Variants in WAC observed in about 807,000 individuals in gnomAD.
WAC encodes the protein WW domain containing adaptor with coiled-coil, also known as WW domain-containing adapter protein with coiled-coil.
In WAC, 11 loss-of-function variants were observed where a neutral mutation model predicts 79.6. That is an observed-to-expected ratio of 0.14 (90% confidence interval 0.09 to 0.23). The LOEUF is 0.23. Among genes scored for constraint, WAC ranks in the 10% least tolerant of loss-of-function variants. WAC has a pLI of 1.00. For missense variants in WAC, 728 were observed against 773.5 expected, an observed-to-expected ratio of 0.94 and a Z score of 0.70; for synonymous variants, 304 against 276.9, an observed-to-expected ratio of 1.10 and a Z score of -0.97.
At chr10:28,577,027 G>A (rs945110756) in intron 3 of WAC, among the ~76,000 whole-genome samples, 3 of 152,120 alleles carry the variant, frequency 2.0e-5, no homozygotes, top group Non-Finnish European at 2.9e-5. Context: ...TGTGGCCAGT[G>A]ACTGTCATTG....
intron 3 of WAC, among the ~76,000 whole-genome samples, chr10:28,571,604 ACTATCTT>A (rs1353417670): frequency 6.6e-6 from 1 of 152,232 alleles, no homozygotes; most frequent in Non-Finnish European, 1.5e-5. Context: ...GCCTTACTTT[ACTATCTT>A]AATGTAACTC....
intron 7 of WAC, among the ~76,000 whole-genome samples, chr10:28,601,322 C>G (rs1840636582): frequency 6.6e-6 from 1 of 152,062 alleles, no homozygotes; most frequent in African/African-American, 2.4e-5. Flanking sequence ...GGTCAGCCTC[C>G]TTAGTCATTA....
At chr10:28,551,431 G>A (rs981748784) in intron 3 of WAC, among the ~76,000 whole-genome samples, 6 of 152,154 alleles carry the variant, frequency 3.9e-5, no homozygotes, top group East Asian at 3.9e-4. Context: ...CAAGTAAACC[G>A]ATTGAAAGCA....
rs1018072836 is a variant in WAC, at chr10:28,583,617, A to G, written c.381+112A>G. Reference sequence around the variant, plus strand: ...AAATCTAATGTCTTTTTTTTTAAAAATGTTTCAATCACAGTCTTAATGTGT... The same window carrying G: ...AAATCTAATGTCTTTTTTTTTAAAAGTGTTTCAATCACAGTCTTAATGTGT... On this transcript the variant is annotated intron_variant, in intron 4 of 13. Coordinates refer to ENST00000354911, the MANE Select transcript of WAC (RefSeq NM_016628.5). The G allele has an allele frequency of 2.3e-5, 17 of 746,194 alleles. No individual in the cohort carries two copies. The African/African-American group carries it at 2.7e-4, about 12-fold the overall frequency. The allele number at this position is 746,194 out of a possible 1,614,324, so 46.2% of individuals were successfully genotyped here.
chr10:28,604,336 T>TA (rs1840823376), intron 7 of WAC, among the ~76,000 whole-genome samples: 1 of 151,908 alleles, frequency 6.6e-6, no homozygotes, highest in Non-Finnish European at 1.5e-5. Flanking sequence ...ATGCTCCTGT[T>TA]ACCTGTATTG....
chr10:28,542,106 G>GAAGTTTGTTCCTGTCTCAGGGGCTCTGCA (rs1837085619), intron 3 of WAC, among the ~76,000 whole-genome samples: 1 of 152,200 alleles, frequency 6.6e-6, no homozygotes, highest in Admixed American at 6.5e-5. Flanking sequence ...CCTGCAGGCA[G>GAAGTTTGTTCCTGTCTCAGGGGCTCTGCA]AAGTTTGTTC....
intron 11 of WAC, chr10:28,615,867 T>G: frequency 4.3e-6 from 1 of 234,072 alleles, no homozygotes; most frequent in Non-Finnish European, 8.3e-6. Flanking sequence ...TGTTAAAATG[T>G]GACTTTTTTT....
intron 3 of WAC, chr10:28,535,990 C>G (rs1836645197): frequency 3.3e-6 from 1 of 304,142 alleles, no homozygotes; most frequent in Admixed American, 5.1e-5. Context: ...CGCCTGTAAT[C>G]TCAGCACTTG....
rs1392329812 is a variant in WAC, at chr10:28,611,887, T to A, written c.1402T>A (p.Leu468Met). 6 of 1,614,034 alleles carry A rather than the reference T, an allele frequency of 3.7e-6. No homozygotes were observed. The highest frequency in any genetic ancestry group is 5.1e-6 in the Non-Finnish European group (6 of 1,180,032). The change falls in exon 10 of 14, where the codon TTG becomes ATG. Residue 468 changes from leucine (L) to methionine (M), a missense_variant. Coordinates refer to ENST00000354911, the MANE Select transcript of WAC (RefSeq NM_016628.5). ...AACTAACACAGTCCCTATCAAACCT[T>A]TGATCAGTACTCCTCCTGTTTCATC... ...PQTNTVPIKP[L>M]ISTPPVSSQP...
chr10:28,574,776 T>C (rs997200389), intron 3 of WAC, among the ~76,000 whole-genome samples: 7 of 152,124 alleles, frequency 4.6e-5, no homozygotes, highest in African/African-American at 1.4e-4. Flanking sequence ...TCATGTACAG[T>C]GTTTGGGCAT....
chr10:28,568,738 T>C (rs1245896550), intron 3 of WAC, among the ~76,000 whole-genome samples: 1 of 152,062 alleles, frequency 6.6e-6, no homozygotes. Flanking sequence ...GTTCCCCTTA[T>C]GTCAGGCTTA....
chr10:28,533,703 G>T, intron 1 of WAC, 83 bp downstream of exon 1: 4 of 1,468,974 alleles, frequency 2.7e-6, no homozygotes, highest in Non-Finnish European at 3.7e-6. Flanking sequence ...GAGCTGGCCG[G>T]GCCGCCATTT....
At chr10:28,585,184 C>T (rs1285179363) in intron 4 of WAC, among the ~76,000 whole-genome samples, 8 of 152,144 alleles carry the variant, frequency 5.3e-5, no homozygotes, top group Non-Finnish European at 1.2e-4. Flanking sequence ...GTAATCACCA[C>T]TCAAGGCTAT....
At position 28,552,845 on chromosome 10, in the gene WAC, C is replaced by CTTTTTTTTTT. The variant is rs3029447; in HGVS notation, c.274+17102_274+17111dup. On this transcript the variant is annotated intron_variant, in intron 3 of 13. Coordinates refer to ENST00000354911, the MANE Select transcript of WAC (RefSeq NM_016628.5). ...GACAGTGAGCAAATCCACTTGGCTGCTTTTTTTTTTTTTTTTTTTTTTTGT... is the reference window on the plus strand; with the variant it reads ...GACAGTGAGCAAATCCACTTGGCTGCTTTTTTTTTTTTTTTTTTTTTTTTTTTTTTTTTGT... 5.2e-3 allele frequency among the ~76,000 whole-genome samples: 435 copies of CTTTTTTTTTT among 84,366 alleles called. 2 individuals are homozygous for CTTTTTTTTTT. The highest frequency in any genetic ancestry group is 0.011 in the African/African-American group (241 of 21,526). The allele number at this position is 84,366 out of a possible 152,430, so 55.3% of individuals were successfully genotyped here.
chr10:28,582,218 C>T (rs921338366), intron 3 of WAC, among the ~76,000 whole-genome samples: 3 of 152,128 alleles, frequency 2.0e-5, no homozygotes, highest in African/African-American at 7.2e-5. Flanking sequence ...TTTTTAGTGC[C>T]TGCTGCTTAC....
chr10:28,596,171 T>C, intron 7 of WAC, 130 bp downstream of exon 7: 1 of 992,060 alleles, frequency 1.0e-6, no homozygotes, highest in Admixed American at 3.0e-5. Flanking sequence ...AGAATGTTTC[T>C]GTGTAGAGTT....
Position 28,608,207 on chromosome 10 carries a change from C to A in WAC, c.941C>A (p.Pro314His), listed in dbSNP as rs781406052. The change falls in exon 8 of 14, where the codon CCC becomes CAC. Residue 314 changes from proline (P) to histidine (H), a missense_variant. Transcript: ENST00000354911. The stretch of plus-strand genomic sequence containing the variant: ...TTAGAATCTACATCAGGAGACAAAC[C>A]CGTATCACATTCTTGCACAACTCCT... Reference protein sequence around the residue: ...ERKESTSGDKPVSHSCTTPST... With the variant: ...ERKESTSGDKHVSHSCTTPST... 2.5e-6 allele frequency: 4 copies of A among 1,614,070 alleles called. No homozygotes were observed. The highest frequency in any genetic ancestry group is 3.4e-6 in the Non-Finnish European group (4 of 1,180,024).
At chr10:28,613,836 A>G (rs1356453798) in intron 10 of WAC, among the ~76,000 whole-genome samples, 3 of 152,210 alleles carry the variant, frequency 2.0e-5, no homozygotes, top group African/African-American at 7.2e-5. Context: ...GCTTCTGAAT[A>G]TAATACATAT....
rs1417782186 is a variant in WAC at position 28,589,810 on chromosome 10, A to G, written c.456A>G (p.Thr152=). The G allele has an allele frequency of 6.2e-7, 1 of 1,613,994 alleles. No homozygotes were observed. Among genetic ancestry groups the G allele is most frequent in the East Asian group, 2.2e-5 (1 of 44,830 alleles). The change falls in exon 5 of 14, where the codon ACA becomes ACG. Residue 152 remains threonine (T), a synonymous_variant. Transcript: ENST00000354911. Reference sequence around the variant, plus strand: ...AAAAGTACTACTACAATTGTCGAACAGAAGTTTCACAATGGGAAAAACCAA... The same window carrying G: ...AAAAGTACTACTACAATTGTCGAACGGAAGTTTCACAATGGGAAAAACCAA... ...SGKKYYYNCR[T]EVSQWEKPKE... is the part of the protein sequence containing the mutation.
Sources: gnomAD v4.1 joint callset for allele counts (sites outside exome capture counted in the v4.1 genomes callset) on GRCh38, gnomAD v4.1.1 for gene constraint, MANE v1.5 for transcripts, NCBI Gene and HGNC (gene_info 2026-07-23, HGNC 2026-07-21) for gene names.